NPAS3: variants seen among roughly 807,000 people sequenced by gnomAD.
The protein encoded by NPAS3 is neuronal PAS domain protein 3, also known as neuronal PAS domain-containing protein 3.
A neutral mutation model predicts 73.1 loss-of-function variants in NPAS3; 14 were observed. The observed-to-expected ratio is 0.19, with a 90% CI of 0.13 to 0.30. The LOEUF (loss-of-function observed/expected upper bound fraction) is 0.30, where lower values mean the gene tolerates loss of function less well. Ranked by LOEUF, NPAS3 falls within the 10% of genes least tolerant of loss-of-function variation. NPAS3 has a pLI of 1.00. For synonymous variants in NPAS3, 620 were observed against 541.5 expected (o/e 1.14, Z -2.01); for missense variants, 1,096 against 1,250.0 (o/e 0.88, Z 1.86).
At chr14:33,521,093 G>T (rs1363605868) in intron 4 of NPAS3, among the ~76,000 whole-genome samples, 1 of 152,022 alleles carries the variant, frequency 6.6e-6, no homozygotes, top group Non-Finnish European at 1.5e-5. Flanking sequence ...CAAATAACAG[G>T]ATCTTATGAA....
At chr14:33,034,768 A>G (rs1201523214) in intron 1 of NPAS3, among the ~76,000 whole-genome samples, 1 of 152,106 alleles carries the variant, frequency 6.6e-6, no homozygotes, top group Non-Finnish European at 1.5e-5. Flanking sequence ...AGAGCACCTA[A>G]CGCAGTGATC....
chr14:33,766,725 T>G (rs35035753), intron 7 of NPAS3, among the ~76,000 whole-genome samples: 23,800 of 152,114 alleles, frequency 0.16, 1,984 homozygotes, highest in Non-Finnish European at 0.19. Flanking sequence ...TACCATCCAC[T>G]TACTTCCTGA....
At position 33,474,088 on chromosome 14, in the gene NPAS3, C is replaced by T. The variant is rs183254642; in HGVS notation, c.469-86033C>T. On this transcript the variant is annotated intron_variant, in intron 4 of 11. Coordinates refer to ENST00000356141, the Ensembl canonical transcript of NPAS3. Reference sequence around the variant, plus strand: ...CTGAGATCCTGCACCCCATAGGGAACGTTCGCTTTCTCCAGGGCAATGAGG... The same window carrying T: ...CTGAGATCCTGCACCCCATAGGGAATGTTCGCTTTCTCCAGGGCAATGAGG... Among the ~76,000 whole-genome samples the T allele has an allele frequency of 1.5e-3, 228 of 152,204 alleles. 3 individuals are homozygous for T. Among genetic ancestry groups the T allele is most frequent in the Non-Finnish European group, 2.8e-3 (189 of 67,996 alleles).
chr14:33,215,248 T>A, exon 3 of NPAS3: 1 of 1,606,938 alleles, frequency 6.2e-7, no homozygotes, highest in Non-Finnish European at 8.5e-7. Flanking sequence ...AAGAAAACTT[T>A]GAGTTCTATG....
At chr14:33,025,791 C>T (rs1043610575) in intron 1 of NPAS3, among the ~76,000 whole-genome samples, 1 of 152,200 alleles carries the variant, frequency 6.6e-6, no homozygotes, top group South Asian at 2.1e-4. Flanking sequence ...TTGCTTTCTG[C>T]CATGATTGTA....
intron 1 of NPAS3, among the ~76,000 whole-genome samples, chr14:32,939,673 GAAAC>G (rs1227083405): frequency 4.1e-5 from 6 of 145,368 alleles, no homozygotes; most frequent in South Asian, 2.3e-4. Flanking sequence ...AAAAGAAAAA[GAAAC>G]AAACAGATGC....
chr14:33,712,840 G>A (rs189404798), intron 6 of NPAS3, among the ~76,000 whole-genome samples: 88 of 152,294 alleles, frequency 5.8e-4, no homozygotes, highest in African/African-American at 2.0e-3. Flanking sequence ...CATGGGACGG[G>A]AAGGAGAGGT....
intron 3 of NPAS3, among the ~76,000 whole-genome samples, chr14:33,260,973 A>G (rs1400412445): frequency 3.3e-5 from 5 of 152,162 alleles, no homozygotes; most frequent in African/African-American, 1.2e-4. Flanking sequence ...TTGTCTTCAC[A>G]GAGTAGAAAG....
chr14:33,364,552 G>A (rs181315090), intron 3 of NPAS3, among the ~76,000 whole-genome samples: 82 of 152,266 alleles, frequency 5.4e-4, no homozygotes, highest in Non-Finnish European at 8.7e-4. Context: ...ACATAAAAAT[G>A]CCATCGAATA....
At chr14:33,276,118 C>T (rs1365305299) in intron 3 of NPAS3, among the ~76,000 whole-genome samples, 1 of 152,106 alleles carries the variant, frequency 6.6e-6, no homozygotes, top group Admixed American at 6.6e-5. Flanking sequence ...ATGACCACAT[C>T]ACCATTAGAT....
At chr14:33,292,867 C>T (rs1955739014) in intron 3 of NPAS3, among the ~76,000 whole-genome samples, 1 of 152,078 alleles carries the variant, frequency 6.6e-6, no homozygotes, top group African/African-American at 2.4e-5. Flanking sequence ...CAAATTCTTT[C>T]AGGGAAAATG....
At chr14:33,312,180 C>G (rs1437085329) in intron 3 of NPAS3, among the ~76,000 whole-genome samples, 2 of 152,060 alleles carry the variant, frequency 1.3e-5, no homozygotes, top group Non-Finnish European at 2.9e-5. Flanking sequence ...AGAACAGTCT[C>G]AAGATAATTG....
intron 7 of NPAS3, among the ~76,000 whole-genome samples, chr14:33,735,696 C>T (rs1271937125): frequency 2.0e-5 from 3 of 152,026 alleles, no homozygotes; most frequent in Admixed American, 6.6e-5. Context: ...CCACTTCTCT[C>T]GCTTTCCCCT....
intron 9 of NPAS3, among the ~76,000 whole-genome samples, chr14:33,785,069 T>G (rs1413580491): frequency 1.3e-5 from 2 of 151,834 alleles, no homozygotes; most frequent in Non-Finnish European, 2.9e-5. Context: ...CTTTTATAGT[T>G]TTTTTAAAAC....
At chr14:33,684,208 G>A (rs1308939573) in intron 6 of NPAS3, among the ~76,000 whole-genome samples, 2 of 136,102 alleles carry the variant, frequency 1.5e-5, no homozygotes, top group Admixed American at 1.6e-4. Context: ...TCTTATGCAC[G>A]TATTTCATTG....
intron 4 of NPAS3, among the ~76,000 whole-genome samples, chr14:33,500,072 G>T (rs2052436222): frequency 6.6e-6 from 1 of 151,892 alleles, no homozygotes; most frequent in African/African-American, 2.4e-5. Context: ...TTTAGGGTCA[G>T]AGTACCCTAG....
chr14:33,799,661 C>T lies in NPAS3; in HGVS notation c.1427-73C>T, dbSNP rs2063621770. 8 of 1,511,722 alleles carry T rather than the reference C, an allele frequency of 5.3e-6. No individual in the cohort carries two copies. The Admixed American group carries it at 8.7e-5, about 16-fold the overall frequency. The allele number at this position is 1,511,722 out of a possible 1,614,324, so 93.6% of individuals were successfully genotyped here. On this transcript the variant is annotated intron_variant, in intron 11 of 11. Coordinates refer to ENST00000356141, the Ensembl canonical transcript of NPAS3. ...AGCCCCTGCAGGTGACAGGCTGGGT[C>T]GCCCCGCTAACCTGGTGTCTTCTCT...
intron 2 of NPAS3, among the ~76,000 whole-genome samples, chr14:33,206,393 C>T (rs1197526783): frequency 6.6e-6 from 1 of 152,098 alleles, no homozygotes; most frequent in Non-Finnish European, 1.5e-5. Context: ...CTTTTAGCAC[C>T]TAAAGTCCAG....
At chr14:33,634,264 T>C (rs533574387) in intron 5 of NPAS3, among the ~76,000 whole-genome samples, 1 of 152,344 alleles carries the variant, frequency 6.6e-6, no homozygotes, top group South Asian at 2.1e-4. Flanking sequence ...GTGCACTGTC[T>C]ATTGGCATTA....
Sources: allele counts gnomAD v4.1 joint callset (sites outside exome capture counted in the v4.1 genomes callset), GRCh38; gene constraint gnomAD v4.1.1; transcripts MANE v1.5; gene names NCBI Gene and HGNC (gene_info 2026-07-23, HGNC 2026-07-21).